The following GPC6 variants were observed in gnomAD, a reference collection of about 807,000 sequenced individuals.
GPC6 encodes glypican 6.
In GPC6, 14 loss-of-function variants were observed where a neutral mutation model predicts 55.2. The observed-to-expected ratio is 0.25, with a 90% CI of 0.17 to 0.40. The LOEUF (loss-of-function observed/expected upper bound fraction) is 0.40, where lower values mean the gene tolerates loss of function less well. GPC6 is among the 10% of genes least tolerant of loss of function. The pLI is 1.00. For missense variants in GPC6, 641 were observed against 708.5 expected (o/e 0.90, Z 1.08); for synonymous variants, 278 against 259.6 (o/e 1.07, Z -0.68).
At chr13:93,616,196 A>G (rs1878712570) in intron 2 of GPC6, among the ~76,000 whole-genome samples, 2 of 152,144 alleles carry the variant, frequency 1.3e-5, no homozygotes, top group South Asian at 4.1e-4. Flanking sequence ...TTCCTTTTAA[A>G]GAACAAATAC....
intron 2 of GPC6, among the ~76,000 whole-genome samples, chr13:93,608,483 A>G (rs531669104): frequency 6.6e-6 from 1 of 152,280 alleles, no homozygotes; most frequent in Non-Finnish European, 1.5e-5. Flanking sequence ...TATTTTAAGC[A>G]ATGTGTTTCT....
chr13:93,314,245 CA>C (rs1879167122), intron 1 of GPC6, among the ~76,000 whole-genome samples: 1 of 152,040 alleles, frequency 6.6e-6, no homozygotes, highest in Non-Finnish European at 1.5e-5. Flanking sequence ...CAACGTAATG[CA>C]TCAAATATAT....
intron 2 of GPC6, among the ~76,000 whole-genome samples, chr13:93,804,689 C>G (rs1015262355): frequency 3.9e-5 from 6 of 152,148 alleles, no homozygotes; most frequent in Non-Finnish European, 2.9e-5. Context: ...GTTAGATATA[C>G]AAATTCTGTC....
chr13:93,359,286 AAATAAT>A (rs1880964261), intron 1 of GPC6, among the ~76,000 whole-genome samples: 3 of 152,094 alleles, frequency 2.0e-5, no homozygotes, highest in African/African-American at 7.2e-5. Context: ...GTGTAGAAAA[AAATAAT>A]AATAATAACT....
intron 2 of GPC6, among the ~76,000 whole-genome samples, chr13:93,591,031 A>T (rs958659929): frequency 7.2e-5 from 11 of 151,976 alleles, no homozygotes; most frequent in Admixed American, 3.3e-4. Context: ...AATGGGAATT[A>T]CTCTGTCATA....
intron 1 of GPC6, among the ~76,000 whole-genome samples, chr13:93,531,929 G>A (rs1350588635): frequency 1.3e-5 from 2 of 152,108 alleles, no homozygotes; most frequent in African/African-American, 4.8e-5. Flanking sequence ...TGGAAAGTAA[G>A]GAAAAATGCT....
intron 3 of GPC6, among the ~76,000 whole-genome samples, chr13:93,979,151 A>G (rs1228186701): frequency 6.6e-6 from 1 of 152,116 alleles, no homozygotes; most frequent in Non-Finnish European, 1.5e-5. Flanking sequence ...ACTCTCCAAT[A>G]TGGTACTCAC....
intron 2 of GPC6, among the ~76,000 whole-genome samples, chr13:93,670,637 G>A (rs1881322011): frequency 6.6e-6 from 1 of 152,154 alleles, no homozygotes; most frequent in Non-Finnish European, 1.5e-5. Flanking sequence ...CAGTATGAAA[G>A]CAATTCAACT....
intron 2 of GPC6, among the ~76,000 whole-genome samples, chr13:93,780,176 G>T (rs532579354): frequency 6.6e-6 from 1 of 151,960 alleles, no homozygotes; most frequent in Non-Finnish European, 1.5e-5. Context: ...TTTAAAAAAA[G>T]CATTTTTTTC....
At chr13:93,686,671 G>T (rs999696559) in intron 2 of GPC6, among the ~76,000 whole-genome samples, 1 of 151,986 alleles carries the variant, frequency 6.6e-6, no homozygotes, top group Non-Finnish European at 1.5e-5. Context: ...TTCTTTTTAA[G>T]GAATTGTTAA....
intron 2 of GPC6, among the ~76,000 whole-genome samples, chr13:93,632,343 C>A (rs896942968): frequency 6.6e-6 from 1 of 152,122 alleles, no homozygotes; most frequent in African/African-American, 2.4e-5. Flanking sequence ...CACAGTGGCT[C>A]AAGCCACTTT....
intron 6 of GPC6, among the ~76,000 whole-genome samples, chr13:94,319,273 C>A (rs1411322403): frequency 6.6e-6 from 1 of 152,046 alleles, no homozygotes; most frequent in African/African-American, 2.4e-5. Flanking sequence ...AACATGCATC[C>A]TAACTTATCA....
intron 2 of GPC6, among the ~76,000 whole-genome samples, chr13:93,751,038 A>G (rs1884563578): frequency 6.6e-6 from 1 of 152,164 alleles, no homozygotes; most frequent in South Asian, 2.1e-4. Flanking sequence ...TACTCTCTGT[A>G]TGCCTCCAAA....
At chr13:93,377,138 A>G (rs1874933999) in intron 1 of GPC6, among the ~76,000 whole-genome samples, 1 of 152,194 alleles carries the variant, frequency 6.6e-6, no homozygotes. Flanking sequence ...AAGTGCAGAA[A>G]GACAAAGGAG....
At chr13:93,518,618 A>G (rs1259560192) in intron 1 of GPC6, among the ~76,000 whole-genome samples, 1 of 152,030 alleles carries the variant, frequency 6.6e-6, no homozygotes, top group Non-Finnish European at 1.5e-5. Context: ...TGAGCTACAA[A>G]ATAATGCCAG....
intron 1 of GPC6, among the ~76,000 whole-genome samples, chr13:93,425,247 G>T (rs1877081604): frequency 6.6e-6 from 1 of 152,068 alleles, no homozygotes; most frequent in South Asian, 2.1e-4. Flanking sequence ...GCTGGGTACT[G>T]GCCACTTTAG....
intron 6 of GPC6, among the ~76,000 whole-genome samples, chr13:94,335,166 G>T (rs1365600176): frequency 6.6e-6 from 1 of 152,112 alleles, no homozygotes; most frequent in African/African-American, 2.4e-5. Context: ...CTGGCCCTCT[G>T]GAGGGCAACA....
At position 93,440,674 on chromosome 13, in the gene GPC6, T is replaced by G. The variant is rs9589737; in HGVS notation, c.161-104589T>G. 2.7e-3 allele frequency among the ~76,000 whole-genome samples: 357 copies of G among 134,260 alleles called. 1 individual carries two copies. Among genetic ancestry groups the G allele is most frequent in the African/African-American group, 9.4e-3 (347 of 37,092 alleles). The allele number at this position is 134,260 out of a possible 152,430, so 88.1% of individuals were successfully genotyped here. A position where few individuals can be genotyped will look rare whatever the true frequency, so the allele number is the denominator to read the frequency against. On this transcript the variant is annotated intron_variant, in intron 1 of 8. Coordinates refer to ENST00000377047, the MANE Select transcript of GPC6 (RefSeq NM_005708.5). ...ATTTTTACAGCATGCAAGTCTTGCA[T>G]TTATTTATTTTTTTAATTATACACT...
At chr13:93,851,155 T>G (rs1171334988) in intron 3 of GPC6, among the ~76,000 whole-genome samples, 1 of 151,980 alleles carries the variant, frequency 6.6e-6, no homozygotes, top group African/African-American at 2.4e-5. Context: ...AAGACAGTGT[T>G]GAGCAGCTGG....
Sources: allele counts gnomAD v4.1 joint callset (sites outside exome capture counted in the v4.1 genomes callset), GRCh38; gene constraint gnomAD v4.1.1; transcripts MANE v1.5; gene names NCBI Gene and HGNC (gene_info 2026-07-23, HGNC 2026-07-21).